Variants in SLC39A8 observed in about 807,000 individuals in gnomAD.
SLC39A8 encodes the protein solute carrier family 39 member 8.
SLC39A8 carries 15 observed loss-of-function variants against 40.4 expected under a neutral mutation model. That is an observed-to-expected ratio of 0.37 (90% CI 0.25 to 0.57). SLC39A8 has a LOEUF of 0.57. SLC39A8 is among the 20% of genes least tolerant of loss of function. The pLI is 0.75. For synonymous variants in SLC39A8, 223 were observed against 221.6 expected (o/e 1.01, Z -0.06); for missense variants, 472 against 558.8 (o/e 0.84, Z 1.57).
intron 2 of SLC39A8, chr4:102,324,100 C>G (rs1735087249): frequency 6.5e-6 from 1 of 154,472 alleles, no homozygotes. Flanking sequence ...TACATTTATA[C>G]AAATAAAAAA....
chr4:102,326,215 T>C (rs997904135), intron 2 of SLC39A8, among the ~76,000 whole-genome samples: 1 of 152,148 alleles, frequency 6.6e-6, no homozygotes, highest in Non-Finnish European at 1.5e-5. Context: ...GAGGATAAAG[T>C]GTGGAGGGCA....
At chr4:102,307,965 A>G (rs183172149) in intron 3 of SLC39A8, among the ~76,000 whole-genome samples, 2 of 152,062 alleles carry the variant, frequency 1.3e-5, no homozygotes, top group South Asian at 2.1e-4. Context: ...AATAGATTAA[A>G]ACAGCATTTT....
chr4:102,342,988 C>A (rs1335741595), intron 2 of SLC39A8, among the ~76,000 whole-genome samples: 2 of 152,124 alleles, frequency 1.3e-5, no homozygotes, highest in Non-Finnish European at 2.9e-5. Context: ...CAGTTGTTTC[C>A]CCTATTTGAT....
chr4:102,268,663 G>C (rs1295020356), intron 6 of SLC39A8, among the ~76,000 whole-genome samples: 3 of 152,214 alleles, frequency 2.0e-5, no homozygotes, highest in Non-Finnish European at 4.4e-5. Context: ...CAGGTACCCT[G>C]TGGAGGGTTT....
chr4:102,269,476 G>T (rs546910725), intron 6 of SLC39A8, among the ~76,000 whole-genome samples: 2 of 152,302 alleles, frequency 1.3e-5, no homozygotes, highest in South Asian at 4.1e-4. Flanking sequence ...CAATGTGGTC[G>T]TAGTAGAAAT....
chr4:102,328,666 C>T (rs528664362), intron 2 of SLC39A8, among the ~76,000 whole-genome samples: 2 of 152,248 alleles, frequency 1.3e-5, no homozygotes, highest in Admixed American at 6.5e-5. Context: ...CGGAGGCTTT[C>T]CAGGTAAACC....
chr4:102,335,685 C>T (rs891927469), intron 2 of SLC39A8, among the ~76,000 whole-genome samples: 6 of 152,136 alleles, frequency 3.9e-5, no homozygotes, highest in African/African-American at 1.4e-4. Flanking sequence ...TTTCAATGCA[C>T]ATTGAAGTAC....
chr4:102,271,350 G>T (rs1337785148), intron 6 of SLC39A8, among the ~76,000 whole-genome samples: 1 of 152,056 alleles, frequency 6.6e-6, no homozygotes, highest in Non-Finnish European at 1.5e-5. Flanking sequence ...ACAGAGGATA[G>T]CTTCAGTAAT....
chr4:102,285,457 A>G (rs1733129342), intron 6 of SLC39A8, among the ~76,000 whole-genome samples: 1 of 152,154 alleles, frequency 6.6e-6, no homozygotes, highest in South Asian at 2.1e-4. Flanking sequence ...TACTTTTATT[A>G]AGAGTCAGCA....
At chr4:102,307,680 C>T in intron 3 of SLC39A8, 75 bp from the exon 4 acceptor site, 1 of 1,430,830 alleles carries the variant, frequency 7.0e-7, no homozygotes, top group Non-Finnish European at 9.6e-7. Flanking sequence ...GTACATTAAG[C>T]TTAAAAGTGT....
rs188290745 is a variant in SLC39A8, at chr4:102,330,543, C to T, written c.219+13901G>A. ...AGGCAGTAATTAATAGCCTACCAAT[C>T]AAAAAAAGTCCAGGACTGGATGGAT... On this transcript the variant is annotated intron_variant, in intron 2 of 8. Coordinates refer to ENST00000356736, the MANE Select transcript of SLC39A8 (RefSeq NM_001135146.2). Among the ~76,000 whole-genome samples the T allele has an allele frequency of 7.2e-3, 1,100 of 152,052 alleles. 12 individuals carry two copies. The highest frequency in any genetic ancestry group is 0.017 in the Admixed American group (253 of 15,282).
chr4:102,257,868 C>G (rs1188932759), downstream of SLC39A8, among the ~76,000 whole-genome samples: 1 of 152,152 alleles, frequency 6.6e-6, no homozygotes, highest in Non-Finnish European at 1.5e-5. Context: ...TTACAGTGAG[C>G]ATGATATTGA....
chr4:102,328,523 T>C (rs1435405232), intron 2 of SLC39A8, among the ~76,000 whole-genome samples: 1 of 152,232 alleles, frequency 6.6e-6, no homozygotes, highest in Non-Finnish European at 1.5e-5. Context: ...GAAGGTTATG[T>C]TGGTTTAAAA....
At chr4:102,269,863 A>G (rs112006724) in intron 6 of SLC39A8, 1 of 152,344 alleles carries the variant, frequency 6.6e-6, no homozygotes, top group Non-Finnish European at 1.5e-5. Context: ...CGCATAAAAA[A>G]TTCTATCTTT....
intron 6 of SLC39A8, among the ~76,000 whole-genome samples, chr4:102,281,032 CT>C (rs1476338203): frequency 1.3e-5 from 2 of 152,106 alleles, no homozygotes; most frequent in African/African-American, 4.8e-5. Context: ...TCCTAATGGA[CT>C]ATTTATACCA....
At chr4:102,330,857 G>A (rs34663993) in intron 2 of SLC39A8, among the ~76,000 whole-genome samples, 46,765 of 152,026 alleles carry the variant, frequency 0.31, 7,598 homozygotes, top group South Asian at 0.5. Context: ...CTGGAATGCA[G>A]TGCTGGTTCA....
intron 2 of SLC39A8, among the ~76,000 whole-genome samples, chr4:102,341,256 A>G (rs1735928074): frequency 6.6e-6 from 1 of 152,212 alleles, no homozygotes; most frequent in Non-Finnish European, 1.5e-5. Flanking sequence ...AGAAATTCTG[A>G]ATGGAGGCAT....
downstream of SLC39A8, among the ~76,000 whole-genome samples, chr4:102,256,672 T>C (rs1731716833): frequency 1.3e-5 from 2 of 152,232 alleles, no homozygotes; most frequent in South Asian, 4.1e-4. Flanking sequence ...TTGCTTTCAG[T>C]GAGCAGCAAC....
At chr4:102,289,953 T>C (rs1328543922) in intron 6 of SLC39A8, among the ~76,000 whole-genome samples, 4 of 152,200 alleles carry the variant, frequency 2.6e-5, no homozygotes, top group Admixed American at 6.5e-5. Flanking sequence ...GTTCAGAGGA[T>C]GGCATCCAAT....
Sources: allele counts gnomAD v4.1 joint callset (sites outside exome capture counted in the v4.1 genomes callset), GRCh38; gene constraint gnomAD v4.1.1; transcripts MANE v1.5; gene names NCBI Gene and HGNC (gene_info 2026-07-23, HGNC 2026-07-21).